MAP3K20: variants seen among roughly 807,000 people sequenced by gnomAD.
MAP3K20 encodes HCCS-4.
A neutral mutation model predicts 85.7 loss-of-function variants in MAP3K20; 40 were observed. That is an observed-to-expected ratio of 0.47 (90% CI 0.36 to 0.61). MAP3K20 has a LOEUF of 0.61. MAP3K20 is among the 20% of genes least tolerant of loss of function. The probability of loss-of-function intolerance (pLI) is 0.00; values close to 1 mark genes in which losing one functional copy is unlikely to be tolerated. For missense variants in MAP3K20, 817 were observed against 961.7 expected, an observed-to-expected ratio of 0.85 and a Z score of 1.99; for synonymous variants, 325 against 327.7, an observed-to-expected ratio of 0.99 and a Z score of 0.09.
intron 11 of MAP3K20, chr2:173,223,059 T>C (rs919288817): frequency 1.0e-6 from 1 of 985,320 alleles, no homozygotes; most frequent in African/African-American, 1.7e-5. Context: ...CTATATTTGA[T>C]CATTAAAAGC....
At chr2:173,251,350 T>C (rs1229424106) in intron 16 of MAP3K20, among the ~76,000 whole-genome samples, 3 of 152,154 alleles carry the variant, frequency 2.0e-5, no homozygotes, top group Admixed American at 6.5e-5. Context: ...TGGTGGTGGA[T>C]TTTGAAAATT....
At chr2:173,200,804 T>C (rs1574102692) in intron 8 of MAP3K20, among the ~76,000 whole-genome samples, 1 of 152,232 alleles carries the variant, frequency 6.6e-6, no homozygotes, top group South Asian at 2.1e-4. Context: ...AAAAGTTTTT[T>C]TATTTTTAGT....
chr2:173,232,269 T>C (rs1462842775), intron 13 of MAP3K20, 47 bp downstream of exon 13: 7 of 1,613,976 alleles, frequency 4.3e-6, no homozygotes, highest in Non-Finnish European at 5.9e-6. Flanking sequence ...TAACTTTGTT[T>C]TGGATGTGAT....
chr2:173,221,536 G>C (rs1442410813), intron 11 of MAP3K20: 9 of 1,519,736 alleles, frequency 5.9e-6, no homozygotes, highest in Non-Finnish European at 8.0e-6. Flanking sequence ...AATGAAAGCA[G>C]AAAGCAAAGT....
chr2:173,176,575 T>G (rs957996076), intron 3 of MAP3K20, among the ~76,000 whole-genome samples: 8 of 151,968 alleles, frequency 5.3e-5, no homozygotes, highest in Non-Finnish European at 1.0e-4. Flanking sequence ...TAAAAATCAA[T>G]CAAGGATTTA....
intron 1 of MAP3K20, among the ~76,000 whole-genome samples, chr2:173,076,722 C>T (rs1040122234): frequency 3.9e-5 from 6 of 152,254 alleles, no homozygotes; most frequent in Admixed American, 6.5e-5. Context: ...CGCCCGCCCT[C>T]TCGGGCTTCC....
chr2:173,098,447 GC>G (rs1687527884), intron 2 of MAP3K20, among the ~76,000 whole-genome samples: 1 of 152,148 alleles, frequency 6.6e-6, no homozygotes, highest in African/African-American at 2.4e-5. Context: ...TTTGTTTCAT[GC>G]CCAGCATTAT....
intron 16 of MAP3K20, among the ~76,000 whole-genome samples, chr2:173,248,002 G>A (rs1374663005): frequency 3.3e-5 from 5 of 152,180 alleles, no homozygotes; most frequent in Admixed American, 2.0e-4. Flanking sequence ...TGAGGTAAGC[G>A]AAAGTCATTA....
At chr2:173,222,959 G>A (rs1684291053) in intron 11 of MAP3K20, 1 of 985,256 alleles carries the variant, frequency 1.0e-6, no homozygotes, top group Non-Finnish European at 1.2e-6. Flanking sequence ...GTCATTATTT[G>A]ACTGTTAAAC....
In MAP3K20 at chr2:173,091,203, C is replaced by T. The variant is rs763139020; in HGVS notation, c.159+13C>T. The T allele has an allele frequency of 1.2e-6, 2 of 1,605,442 alleles. No homozygotes were observed. The highest frequency in any genetic ancestry group is 1.1e-5 in the South Asian group (1 of 89,990). On this transcript the variant is annotated intron_variant, in intron 2 of 19. Coordinates refer to ENST00000375213, the MANE Select transcript of MAP3K20 (RefSeq NM_016653.3). Reference sequence around the variant, plus strand: ...AATAGAGAAAGAGGTAAGGTCTTTTCCAGCTGACAGAAACAGTCACGATAC... The same window carrying T: ...AATAGAGAAAGAGGTAAGGTCTTTTTCAGCTGACAGAAACAGTCACGATAC...
chr2:173,222,989 CT>C (rs1226055109), intron 11 of MAP3K20: 40 of 985,202 alleles, frequency 4.1e-5, no homozygotes, highest in Non-Finnish European at 4.6e-5. Context: ...TTTGGTGGGT[CT>C]TTTTATGGAA....
chr2:173,237,918 C>T (rs1559294389), intron 14 of MAP3K20, among the ~76,000 whole-genome samples: 1 of 152,192 alleles, frequency 6.6e-6, no homozygotes, highest in Non-Finnish European at 1.5e-5. Context: ...GTAATCCCAG[C>T]ACTTTGAGAG....
chr2:173,112,448 A>T (rs1688003109), intron 2 of MAP3K20, among the ~76,000 whole-genome samples: 1 of 152,122 alleles, frequency 6.6e-6, no homozygotes, highest in African/African-American at 2.4e-5. Flanking sequence ...CACTATTTTG[A>T]AGAGGAGTGG....
chr2:173,207,598 G>T (rs1683731250), intron 9 of MAP3K20: 1 of 152,220 alleles, frequency 6.6e-6, no homozygotes, highest in South Asian at 2.1e-4. Context: ...CCTTGGTTCT[G>T]TAACTTGCTT....
At chr2:173,173,079 C>T (rs1459018269) in intron 3 of MAP3K20, among the ~76,000 whole-genome samples, 4 of 151,900 alleles carry the variant, frequency 2.6e-5, no homozygotes, top group African/African-American at 7.3e-5. Flanking sequence ...TGTGAGCCAC[C>T]GCGCCCAGCC....
At chr2:173,144,462 C>CAAAAAAAAAAAAAAAAAAAA (rs71018537) in intron 2 of MAP3K20, among the ~76,000 whole-genome samples, 2 of 92,876 alleles carry the variant, frequency 2.2e-5, no homozygotes, top group African/African-American at 7.9e-5. Flanking sequence ...GACTCCGTCT[C>CAAAAAAAAAAAAAAAAAAAA]AAAAAAAAAA....
chr2:173,126,800 G>T (rs1688458168), intron 2 of MAP3K20, among the ~76,000 whole-genome samples: 1 of 152,210 alleles, frequency 6.6e-6, no homozygotes, highest in Non-Finnish European at 1.5e-5. Flanking sequence ...AGGCAATAAA[G>T]CTTGCTTCGA....
intron 2 of MAP3K20, among the ~76,000 whole-genome samples, chr2:173,136,342 T>G (rs949654443): frequency 6.6e-6 from 1 of 152,194 alleles, no homozygotes; most frequent in South Asian, 2.1e-4. Context: ...AAATGCATAA[T>G]ATGGAGATCA....
chr2:173,110,225 ATATATATATATATATATTTTTTTTTTT>A (rs1199228451), intron 2 of MAP3K20, among the ~76,000 whole-genome samples: 2 of 10,200 alleles, frequency 2.0e-4, no homozygotes, highest in African/African-American at 7.0e-4. Context: ...ATATATATAT[ATATATATATATATATATTTTTTTTTTT>A]TTTTTTTTTT....
Sources: gnomAD v4.1 joint callset for allele counts (sites outside exome capture counted in the v4.1 genomes callset) on GRCh38, gnomAD v4.1.1 for gene constraint, MANE v1.5 for transcripts, NCBI Gene and HGNC (gene_info 2026-07-23, HGNC 2026-07-21) for gene names.